GLI3: variants seen among roughly 807,000 people sequenced by gnomAD.
GLI3 encodes the protein transcription activator GLI3.
In GLI3, 20 loss-of-function variants were observed where a neutral mutation model predicts 100.8. The observed-to-expected ratio is 0.20, with a 90% CI of 0.14 to 0.29. The LOEUF is 0.29. Ranked by LOEUF, GLI3 falls within the 10% of genes least tolerant of loss-of-function variation. The pLI, the probability that GLI3 is intolerant of heterozygous loss-of-function variation, is 1.00. For missense variants in GLI3, 2,040 were observed against 2,128.5 expected (o/e 0.96, Z 0.82); for synonymous variants, 938 against 860.5 (o/e 1.09, Z -1.58).
chr7:42,088,883 C>T (rs557698491), intron 3 of GLI3, among the ~76,000 whole-genome samples: 6 of 152,314 alleles, frequency 3.9e-5, no homozygotes, highest in South Asian at 2.1e-4. Flanking sequence ...AGCTCTCTTG[C>T]GCACTTCCGC....
intron 5 of GLI3, among the ~76,000 whole-genome samples, chr7:42,047,949 C>T (rs1784277913): frequency 1.3e-5 from 2 of 152,204 alleles, no homozygotes; most frequent in South Asian, 4.1e-4. Context: ...CCACCTGATC[C>T]CACCTGATGC....
chr7:42,123,184 C>A (rs183742976), intron 3 of GLI3, among the ~76,000 whole-genome samples: 1 of 152,318 alleles, frequency 6.6e-6, no homozygotes, highest in East Asian at 1.9e-4. Context: ...ACCAGGCCAA[C>A]ACTTTTTTCA....
intron 1 of GLI3, among the ~76,000 whole-genome samples, chr7:42,246,439 T>C (rs891820458): frequency 6.6e-6 from 1 of 152,138 alleles, no homozygotes; most frequent in Non-Finnish European, 1.5e-5. Flanking sequence ...GGGAATAAAC[T>C]CATATGTGAA....
At position 42,095,442 on chromosome 7, in the gene GLI3, G is replaced by C. The variant is rs118126320; in HGVS notation, c.368-18585C>G. On this transcript the variant is annotated intron_variant, in intron 3 of 14. Transcript: ENST00000395925. The stretch of plus-strand genomic sequence containing the variant: ...AGTATTACTTTGGTGGTAACATGGA[G>C]AATGGGTTGGAGTGGAATGAAATGA... 3.2e-3 allele frequency among the ~76,000 whole-genome samples: 486 copies of C among 152,304 alleles called. 1 individual carries two copies. Among genetic ancestry groups the C allele is most frequent in the South Asian group, 0.015 (70 of 4,826 alleles).
At chr7:42,113,755 A>G (rs1212415905) in intron 3 of GLI3, 1 of 560,598 alleles carries the variant, frequency 1.8e-6, no homozygotes, top group East Asian at 3.4e-5. Flanking sequence ...AGAACACTTC[A>G]TTGTTGTTTT....
rs866175379 is a variant in GLI3 at position 42,108,953 on chromosome 7, A to C, written c.368-32096T>G. On this transcript the variant is annotated intron_variant, in intron 3 of 14. Coordinates refer to ENST00000395925, the MANE Select transcript of GLI3 (RefSeq NM_000168.6). ...CACCCTCCCACCCCTGTCTCTGAGAACTGGAAGTCTGACGCCATCACCCTC... is the reference window on the plus strand; with the variant it reads ...CACCCTCCCACCCCTGTCTCTGAGACCTGGAAGTCTGACGCCATCACCCTC... Among the ~76,000 whole-genome samples, 7 of 152,122 alleles carry C rather than the reference A, an allele frequency of 4.6e-5. No homozygotes were observed. The South Asian group carries it at 1.5e-3, about 32-fold the overall frequency.
intron 3 of GLI3, chr7:42,118,126 G>A (rs1371344702): frequency 5.2e-6 from 2 of 387,296 alleles, no homozygotes; most frequent in East Asian, 3.6e-5. Context: ...CCAACTTCGG[G>A]TTTGCAAATA....
At chr7:42,213,960 A>T (rs1297322137) in intron 2 of GLI3, among the ~76,000 whole-genome samples, 1 of 152,166 alleles carries the variant, frequency 6.6e-6, no homozygotes, top group Non-Finnish European at 1.5e-5. Flanking sequence ...ATGCAAACAC[A>T]CTCGGGCCTG....
chr7:41,966,669 G>A lies in GLI3; in HGVS notation c.2432-28C>T. The A allele has an allele frequency of 1.2e-6, 2 of 1,612,630 alleles. No individual in the cohort carries two copies. The highest frequency in any genetic ancestry group is 3.3e-5 in the Admixed American group (2 of 60,034). On this transcript the variant is annotated intron_variant, in intron 14 of 14. Coordinates refer to ENST00000395925, the MANE Select transcript of GLI3 (RefSeq NM_000168.6). The surrounding 1 kb of genome is among the most constrained non-coding windows in gnomAD (Gnocchi z 5.8). ...GGAGACAGAGAAAGGGAGAGACCATGCGGAGATGAATTCCCTTCGAGCATG... is the reference window on the plus strand; with the variant it reads ...GGAGACAGAGAAAGGGAGAGACCATACGGAGATGAATTCCCTTCGAGCATG...
At chr7:42,059,808 A>G (rs1784532692) in intron 4 of GLI3, among the ~76,000 whole-genome samples, 1 of 152,264 alleles carries the variant, frequency 6.6e-6, no homozygotes, top group Non-Finnish European at 1.5e-5. Context: ...CCCCTAAGAT[A>G]ACAAGTGGTT....
chr7:42,014,547 C>T (rs1268630567), intron 10 of GLI3, among the ~76,000 whole-genome samples: 1 of 152,192 alleles, frequency 6.6e-6, no homozygotes, highest in African/African-American at 2.4e-5. Flanking sequence ...ATCCCCAATG[C>T]CTTTCTGCAA....
intron 1 of GLI3, among the ~76,000 whole-genome samples, chr7:42,251,654 G>T (rs1416974233): frequency 6.6e-6 from 1 of 152,068 alleles, no homozygotes; most frequent in Non-Finnish European, 1.5e-5. Context: ...TACATGCCAG[G>T]CATCATTCCT....
chr7:42,005,600 C>A (rs1185927175), intron 10 of GLI3, among the ~76,000 whole-genome samples: 4 of 152,000 alleles, frequency 2.6e-5, no homozygotes, highest in African/African-American at 7.3e-5. Flanking sequence ...CTGATACCTG[C>A]CTCCCTAGAA....
Position 42,132,350 on chromosome 7 carries a change from T to G in GLI3, c.367+15876A>C, listed in dbSNP as rs537139950. Among the ~76,000 whole-genome samples the G allele has an allele frequency of 8.5e-5, 13 of 152,266 alleles. No homozygotes were observed. The East Asian group carries it at 2.5e-3, about 29-fold the overall frequency. On this transcript the variant is annotated intron_variant, in intron 3 of 14. Coordinates refer to ENST00000395925, the MANE Select transcript of GLI3 (RefSeq NM_000168.6). ...CTCCTGACCTCCTGATCCGCCCGCC[T>G]TGACCTCCCAAAGTGCTGGGATTAC... is the stretch of plus-strand genomic sequence containing the variant.
intron 2 of GLI3, among the ~76,000 whole-genome samples, chr7:42,163,676 C>G (rs1213329140): frequency 6.6e-6 from 1 of 152,050 alleles, no homozygotes; most frequent in Admixed American, 6.6e-5. Flanking sequence ...GTGATCCACC[C>G]GCCTCAGCCT....
chr7:42,079,743 G>A (rs1390394509), intron 3 of GLI3, among the ~76,000 whole-genome samples: 1 of 152,182 alleles, frequency 6.6e-6, no homozygotes, highest in East Asian at 1.9e-4. Flanking sequence ...GCTTTTGGCT[G>A]TGTTCTGCAT....
upstream of GLI3, chr7:42,238,019 C>CCTT (rs1788864120): frequency 1.4e-5 from 2 of 146,410 alleles, no homozygotes; most frequent in Non-Finnish European, 1.4e-5. Context: ...TCCTCCTCCT[C>CCTT]CTCCTTCTCC....
At chr7:42,106,381 C>A (rs1044204469) in intron 3 of GLI3, among the ~76,000 whole-genome samples, 1 of 152,216 alleles carries the variant, frequency 6.6e-6, no homozygotes, top group Non-Finnish European at 1.5e-5. Flanking sequence ...ATCTAGGCTG[C>A]AAGGTGCTCC....
intron 3 of GLI3, among the ~76,000 whole-genome samples, chr7:42,100,468 G>A (rs1005600907): frequency 2.0e-5 from 3 of 152,094 alleles, no homozygotes; most frequent in Non-Finnish European, 4.4e-5. Context: ...GGGCGTGGTG[G>A]CTCACACCAG....
Sources: allele counts gnomAD v4.1 joint callset (sites outside exome capture counted in the v4.1 genomes callset), GRCh38; gene constraint gnomAD v4.1.1; non-coding constraint Gnocchi (gnomAD v3.1); transcripts MANE v1.5; gene names NCBI Gene and HGNC (gene_info 2026-07-23, HGNC 2026-07-21).